The following WASF1 variants were observed in gnomAD, a reference collection of about 807,000 sequenced individuals.
WASF1 encodes actin-binding protein WASF1.
Under a neutral mutation model 50.5 loss-of-function variants are expected in WASF1, and 7 were observed. The observed-to-expected ratio is 0.14, with a 90% CI of 0.08 to 0.26. WASF1 has a LOEUF of 0.26. Ranked by LOEUF, WASF1 falls within the 10% of genes least tolerant of loss-of-function variation. The probability of loss-of-function intolerance (pLI) is 1.00; values close to 1 mark genes in which losing one functional copy is unlikely to be tolerated. For missense variants in WASF1, 470 were observed against 694.7 expected, an observed-to-expected ratio of 0.68 and a Z score of 3.64; for synonymous variants, 205 against 244.0, an observed-to-expected ratio of 0.84 and a Z score of 1.49.
Position 110,115,501 on chromosome 6 carries a change from T to C in WASF1, c.134-2041A>G, listed in dbSNP as rs77837099. Among the ~76,000 whole-genome samples, 632 of 152,332 alleles carry C rather than the reference T, an allele frequency of 4.1e-3. 8 individuals carry two copies. Among genetic ancestry groups the C allele is most frequent in the African/African-American group, 0.013 (555 of 41,580 alleles). ...GAAGTACCTTGCCAGTAAGGGAATG[T>C]CTTTTAAAATTCTTGTGATAACTGT... On this transcript the variant is annotated intron_variant, in intron 4 of 10. Transcript: ENST00000392589.
At chr6:110,132,327 T>C (rs1774715331) in intron 3 of WASF1, among the ~76,000 whole-genome samples, 1 of 151,934 alleles carries the variant, frequency 6.6e-6, no homozygotes, top group Admixed American at 6.6e-5. Context: ...ATATATTTTA[T>C]TTCTTTTTCT....
At chr6:110,142,482 C>A (rs920233519) in intron 3 of WASF1, among the ~76,000 whole-genome samples, 1 of 152,110 alleles carries the variant, frequency 6.6e-6, no homozygotes, top group African/African-American at 2.4e-5. Context: ...TCTAACTCAA[C>A]TATCAAAATC....
At chr6:110,171,654 T>C (rs1226438104) in intron 2 of WASF1, among the ~76,000 whole-genome samples, 2 of 151,996 alleles carry the variant, frequency 1.3e-5, no homozygotes, top group Non-Finnish European at 2.9e-5. Flanking sequence ...CCAAAAGCAA[T>C]GGCAACAAAA....
In WASF1 at chr6:110,101,796, T is replaced by C; in HGVS notation, c.1314A>G (p.Arg438=). Residue 438 remains arginine (R), a synonymous_variant, in exon 10 of 11, where the codon CGA becomes CGG. Coordinates refer to ENST00000392589, the MANE Select transcript of WASF1 (RefSeq NM_003931.3). ...PPPPLPPPGI[R]PSSPVTVTAL... ...CTGTAACTGTGACAGGTGATGATGG[T>C]CGAATGCCAGGTGGAGGCAGAGGAG... is the stretch of plus-strand genomic sequence containing the variant. 6.2e-7 allele frequency: 1 copy of C among 1,613,938 alleles called. No homozygotes were observed. Among genetic ancestry groups the C allele is most frequent in the Non-Finnish European group, 8.5e-7 (1 of 1,179,970 alleles).
chr6:110,169,176 A>G (rs983477273), intron 2 of WASF1, among the ~76,000 whole-genome samples: 51 of 152,192 alleles, frequency 3.4e-4, no homozygotes, highest in Admixed American at 2.2e-3. Flanking sequence ...TAGATCTTTA[A>G]CCATCAATTC....
intron 3 of WASF1, among the ~76,000 whole-genome samples, chr6:110,143,863 T>C (rs1341570774): frequency 1.3e-5 from 2 of 152,228 alleles, no homozygotes; most frequent in Admixed American, 1.3e-4. Flanking sequence ...TAATTTTCAT[T>C]GTTGGACATT....
intron 1 of WASF1, among the ~76,000 whole-genome samples, chr6:110,178,966 T>C (rs1448084462): frequency 3.9e-5 from 6 of 152,212 alleles, no homozygotes; most frequent in African/African-American, 1.4e-4. Context: ...TTTACCGTTA[T>C]GTTTTCAGAC....
intron 2 of WASF1, among the ~76,000 whole-genome samples, chr6:110,174,691 C>T (rs888284290): frequency 1.3e-5 from 2 of 152,148 alleles, no homozygotes; most frequent in African/African-American, 4.8e-5. Flanking sequence ...AGCATCTATA[C>T]AGAATCTTGT....
intron 2 of WASF1, among the ~76,000 whole-genome samples, chr6:110,164,716 G>A (rs1776400114): frequency 6.6e-6 from 1 of 151,606 alleles, no homozygotes; most frequent in South Asian, 2.1e-4. Flanking sequence ...CCAAAGAGGT[G>A]AAAACTTACA....
intron 3 of WASF1, among the ~76,000 whole-genome samples, chr6:110,159,884 C>T (rs962087473): frequency 1.3e-5 from 2 of 151,750 alleles, no homozygotes; most frequent in African/African-American, 2.4e-5. Context: ...CAAAATGTTT[C>T]GGATTTTGGA....
At chr6:110,101,123 C>A (rs1370093687) in intron 10 of WASF1, among the ~76,000 whole-genome samples, 1 of 152,044 alleles carries the variant, frequency 6.6e-6, no homozygotes, top group African/African-American at 2.4e-5. Flanking sequence ...GAAATAATGA[C>A]AATAAATGAA....
At chr6:110,111,643 A>C (rs1773561868) in intron 5 of WASF1, among the ~76,000 whole-genome samples, 1 of 152,218 alleles carries the variant, frequency 6.6e-6, no homozygotes, top group African/African-American at 2.4e-5. Flanking sequence ...ATGCTAAAAG[A>C]AGCCAGTCAC....
intron 3 of WASF1, among the ~76,000 whole-genome samples, chr6:110,144,479 T>C (rs1348026930): frequency 6.6e-6 from 1 of 152,216 alleles, no homozygotes; most frequent in African/African-American, 2.4e-5. Flanking sequence ...TAGATCCCAT[T>C]TGTCAATTCT....
At chr6:110,141,304 A>G (rs886311660) in intron 3 of WASF1, among the ~76,000 whole-genome samples, 1 of 152,024 alleles carries the variant, frequency 6.6e-6, no homozygotes, top group African/African-American at 2.4e-5. Context: ...ATTATACTCT[A>G]ATTATTCTAA....
intron 3 of WASF1, among the ~76,000 whole-genome samples, chr6:110,139,856 C>A (rs918724333): frequency 2.0e-5 from 3 of 151,134 alleles, no homozygotes; most frequent in East Asian, 2.0e-4. Context: ...AGAGGATAAC[C>A]CAATAACTAA....
intron 3 of WASF1, among the ~76,000 whole-genome samples, chr6:110,143,421 G>C (rs1157813130): frequency 1.3e-5 from 2 of 151,794 alleles, no homozygotes; most frequent in Admixed American, 6.6e-5. Context: ...GATTCAAAAT[G>C]AGGCATATAT....
At chr6:110,124,923 A>C (rs1385962203) in intron 4 of WASF1, among the ~76,000 whole-genome samples, 9 of 152,134 alleles carry the variant, frequency 5.9e-5, no homozygotes, top group Admixed American at 5.9e-4. Context: ...AAAATAAAAA[A>C]AGGAAGTACA....
At chr6:110,165,218 T>A (rs1340580483) in intron 2 of WASF1, among the ~76,000 whole-genome samples, 1 of 151,696 alleles carries the variant, frequency 6.6e-6, no homozygotes, top group Non-Finnish European at 1.5e-5. Context: ...CGTAAGTTCA[T>A]CAGTTGTAAC....
At chr6:110,141,097 A>G (rs1403335395) in intron 3 of WASF1, among the ~76,000 whole-genome samples, 1 of 152,162 alleles carries the variant, frequency 6.6e-6, no homozygotes, top group African/African-American at 2.4e-5. Context: ...TGGTAACTAA[A>G]ACCACAGAAA....
Sources: allele counts gnomAD v4.1 joint callset (sites outside exome capture counted in the v4.1 genomes callset), GRCh38; gene constraint gnomAD v4.1.1; transcripts MANE v1.5; gene names NCBI Gene and HGNC (gene_info 2026-07-23, HGNC 2026-07-21).